The following XIRP2 variants were observed in gnomAD, a reference collection of about 807,000 sequenced individuals.
XIRP2 encodes the protein xin actin-binding repeat-containing protein 2.
A neutral mutation model predicts 277.0 loss-of-function variants in XIRP2; 236 were observed. The ratio of observed to expected loss-of-function variants is 0.85; its 90% CI spans 0.77 to 0.95. XIRP2 has a LOEUF of 0.95. Ranked by LOEUF, XIRP2 falls within the 40% of genes least tolerant of loss-of-function variation. The probability of loss-of-function intolerance (pLI) is 0.00; values close to 1 mark genes in which losing one functional copy is unlikely to be tolerated. For synonymous variants in XIRP2, 1,490 were observed against 1,416.5 expected, an observed-to-expected ratio of 1.05 and a Z score of -1.17; for missense variants, 4,640 against 4,157.5, an observed-to-expected ratio of 1.12 and a Z score of -3.19.
intron 2 of XIRP2, among the ~76,000 whole-genome samples, chr2:166,955,296 GA>G (rs1244242095): frequency 6.6e-6 from 1 of 151,606 alleles, no homozygotes; most frequent in Admixed American, 6.6e-5. Flanking sequence ...TATGCTAAGT[GA>G]AAAAAGGGAA....
chr2:167,155,642 A>T (rs1692172319), intron 3 of XIRP2, among the ~76,000 whole-genome samples: 1 of 152,120 alleles, frequency 6.6e-6, no homozygotes, highest in African/African-American at 2.4e-5. Context: ...CCAATATCAT[A>T]CTGAATGCGC....
intron 2 of XIRP2, among the ~76,000 whole-genome samples, chr2:167,008,771 T>C (rs1469440004): frequency 6.6e-6 from 1 of 151,682 alleles, no homozygotes; most frequent in African/African-American, 2.4e-5. Flanking sequence ...TTTTTAGCTG[T>C]GTTAATGTAA....
At position 167,248,116 on chromosome 2, in the gene XIRP2, C is replaced by G; in HGVS notation, c.6724C>G (p.Arg2242Gly). Residue 2242 changes from arginine to glycine, a missense_variant, in exon 9 of 11, where the codon CGG becomes GGG. Transcript: ENST00000409195. Reference protein sequence around the residue: ...HNTFKATNKKRETDVHLKSQD... With the variant: ...HNTFKATNKKGETDVHLKSQD... ...TACATTTAAGGCAACCAACAAAAAGCGGGAGACTGATGTTCACTTGAAAAG... is the reference window on the plus strand; with the variant it reads ...TACATTTAAGGCAACCAACAAAAAGGGGGAGACTGATGTTCACTTGAAAAG... 1 of 1,613,144 alleles carries G rather than the reference C, an allele frequency of 6.2e-7. No individual in the cohort carries two copies. The highest frequency in any genetic ancestry group is 1.7e-5 in the Admixed American group (1 of 59,866).
chr2:167,228,354 A>G (rs952521599), intron 5 of XIRP2, among the ~76,000 whole-genome samples: 1 of 152,148 alleles, frequency 6.6e-6, no homozygotes, highest in African/African-American at 2.4e-5. Flanking sequence ...TTACACTGCT[A>G]ATGCGTAGAG....
At chr2:167,039,219 C>T (rs1382264294) in intron 2 of XIRP2, among the ~76,000 whole-genome samples, 1 of 152,040 alleles carries the variant, frequency 6.6e-6, no homozygotes, top group African/African-American at 2.4e-5. Context: ...CAAGAAACAA[C>T]CTTACTCTTA....
chr2:167,250,364 A>G lies in XIRP2; in HGVS notation c.8972A>G (p.Asp2991Gly), dbSNP rs1426634049. 2 of 1,613,480 alleles carry G rather than the reference A, an allele frequency of 1.2e-6. No individual in the cohort carries two copies. The highest frequency in any genetic ancestry group is 2.2e-5 in the East Asian group (1 of 44,820). ...ATCCCAGGATGGCTGATAAGTGAAG[A>G]TAAGAGAGAATATGCAGTTCACATT... is the stretch of plus-strand genomic sequence containing the variant. Reference protein sequence around the residue: ...NTIPGWLISEDKREYAVHIAM... With the variant: ...NTIPGWLISEGKREYAVHIAM... Residue 2991 changes from aspartate to glycine, a missense_variant, in exon 9 of 11, where the codon GAT (aspartate) becomes GGT (glycine). Transcript: ENST00000409195.
At chr2:166,982,581 C>G (rs1050096236) in intron 2 of XIRP2, among the ~76,000 whole-genome samples, 6 of 151,780 alleles carry the variant, frequency 4.0e-5, no homozygotes, top group Non-Finnish European at 8.8e-5. Flanking sequence ...ATCTATTTTC[C>G]AGCTCAGTGG....
intron 4 of XIRP2, among the ~76,000 whole-genome samples, chr2:167,217,427 G>A (rs909463846): frequency 1.3e-5 from 2 of 152,096 alleles, no homozygotes; most frequent in Admixed American, 6.6e-5. Flanking sequence ...CTGGAGTAGT[G>A]TAGCTGCTGG....
intron 2 of XIRP2, among the ~76,000 whole-genome samples, chr2:167,076,783 A>G (rs1689583230): frequency 6.6e-6 from 1 of 152,126 alleles, no homozygotes; most frequent in Non-Finnish European, 1.5e-5. Context: ...ATGTATTTTC[A>G]TGTTAAGGTA....
chr2:167,193,413 A>G (rs1308292012), intron 3 of XIRP2, among the ~76,000 whole-genome samples: 2 of 152,158 alleles, frequency 1.3e-5, no homozygotes, highest in Non-Finnish European at 2.9e-5. Context: ...GTGTATACAT[A>G]TATATTCTTT....
At chr2:167,257,723 T>G in intron 10 of XIRP2, 134 bp from the exon 11 acceptor site, 1 of 795,240 alleles carries the variant, frequency 1.3e-6, no homozygotes, top group Non-Finnish European at 1.9e-6. Flanking sequence ...ACAGAAATGT[T>G]CAACTAATAG....
intron 2 of XIRP2, among the ~76,000 whole-genome samples, chr2:166,962,162 A>G (rs1325578923): frequency 6.6e-6 from 1 of 151,758 alleles, no homozygotes; most frequent in African/African-American, 2.4e-5. Context: ...ACAATCTTGT[A>G]ACAGCTTAAA....
intron 2 of XIRP2, among the ~76,000 whole-genome samples, chr2:167,058,684 G>A (rs1179776883): frequency 6.6e-6 from 1 of 152,160 alleles, no homozygotes; most frequent in Non-Finnish European, 1.5e-5. Flanking sequence ...AAGGAGCATT[G>A]CAAGAGCACA....
intron 3 of XIRP2, among the ~76,000 whole-genome samples, chr2:167,165,012 C>T (rs1692478584): frequency 6.6e-6 from 1 of 152,178 alleles, no homozygotes; most frequent in Admixed American, 6.5e-5. Context: ...CTCCCCTCCT[C>T]CCAATAACCC....
chr2:167,019,336 T>C (rs1048925709), intron 2 of XIRP2, among the ~76,000 whole-genome samples: 1 of 151,940 alleles, frequency 6.6e-6, no homozygotes. Context: ...TTACAAAGAA[T>C]AGCGACCCCA....
intron 3 of XIRP2, among the ~76,000 whole-genome samples, chr2:167,163,770 TGTTATA>T (rs1353045681): frequency 6.6e-6 from 1 of 152,212 alleles, no homozygotes; most frequent in African/African-American, 2.4e-5. Context: ...CCTCTTGAAG[TGTTATA>T]GTTTTAGGTT....
Position 167,230,536 on chromosome 2 carries a change from G to A in XIRP2, c.859-9319G>A, listed in dbSNP as rs374614593. Among the ~76,000 whole-genome samples the A allele has an allele frequency of 8.5e-5, 13 of 152,102 alleles. No homozygotes were observed. In the East Asian group the frequency reaches 2.5e-3, roughly 29 times the overall value. ...AGTACCTCACAAATGCATGTTGAAT[G>A]CATCACTTATTGACTTTAGGTGTTA... On this transcript the variant is annotated intron_variant, in intron 5 of 10. Coordinates refer to ENST00000409195, the MANE Select transcript of XIRP2 (RefSeq NM_152381.6).
At chr2:166,953,133 A>G (rs1686076219) in intron 2 of XIRP2, among the ~76,000 whole-genome samples, 1 of 151,904 alleles carries the variant, frequency 6.6e-6, no homozygotes, top group African/African-American at 2.4e-5. Context: ...TGCAAATGTA[A>G]CATATGTTGC....
At chr2:167,118,453 G>T (rs1231259596) in intron 2 of XIRP2, among the ~76,000 whole-genome samples, 1 of 148,400 alleles carries the variant, frequency 6.7e-6, no homozygotes, top group Non-Finnish European at 1.5e-5. Flanking sequence ...CCGCACTCCA[G>T]CCTGGGCGAC....
Sources: allele counts gnomAD v4.1 joint callset (sites outside exome capture counted in the v4.1 genomes callset), GRCh38; gene constraint gnomAD v4.1.1; transcripts MANE v1.5; gene names NCBI Gene and HGNC (gene_info 2026-07-23, HGNC 2026-07-21).